Variants in CNTNAP2 observed in about 807,000 individuals in gnomAD.
The protein encoded by CNTNAP2 is contactin associated protein 2, also known as contactin-associated protein-like 2.
Under a neutral mutation model 155.2 loss-of-function variants are expected in CNTNAP2, and 98 were observed. The observed-to-expected ratio is 0.63, with a 90% CI of 0.54 to 0.75. The LOEUF is 0.75. Ranked by LOEUF, CNTNAP2 falls within the 30% of genes least tolerant of loss-of-function variation. CNTNAP2 has a pLI of 0.00. For missense variants in CNTNAP2, 1,727 were observed against 1,688.1 expected, an observed-to-expected ratio of 1.02 and a Z score of -0.40; for synonymous variants, 651 against 631.2, an observed-to-expected ratio of 1.03 and a Z score of -0.47.
intron 18 of CNTNAP2, among the ~76,000 whole-genome samples, chr7:148,212,408 GA>G (rs1431731072): frequency 7.9e-5 from 12 of 152,066 alleles, no homozygotes; most frequent in Non-Finnish European, 1.6e-4. Flanking sequence ...AAAACTTTGA[GA>G]AACATGATAT....
intron 13 of CNTNAP2, among the ~76,000 whole-genome samples, chr7:147,796,695 A>G (rs1584959499): frequency 6.6e-6 from 1 of 152,186 alleles, no homozygotes; most frequent in African/African-American, 2.4e-5. Context: ...AAAACAAGGA[A>G]GCTTCTCTAT....
At chr7:146,553,204 T>C (rs368253728) in intron 1 of CNTNAP2, among the ~76,000 whole-genome samples, 1 of 152,102 alleles carries the variant, frequency 6.6e-6, no homozygotes, top group South Asian at 2.1e-4. Flanking sequence ...ATTATGACAA[T>C]ATTTGAAATA....
At chr7:147,260,278 C>T (rs539816689) in intron 8 of CNTNAP2, among the ~76,000 whole-genome samples, 10 of 152,190 alleles carry the variant, frequency 6.6e-5, no homozygotes, top group African/African-American at 2.4e-4. Flanking sequence ...GATTCTTTAG[C>T]ATGGTTCAGG....
chr7:147,545,440 T>C (rs1799712599), intron 11 of CNTNAP2, among the ~76,000 whole-genome samples: 1 of 152,256 alleles, frequency 6.6e-6, no homozygotes. Flanking sequence ...TTGTCTGTGT[T>C]AGTTATCTAT....
intron 2 of CNTNAP2, among the ~76,000 whole-genome samples, chr7:146,823,565 A>T (rs1370617226): frequency 6.8e-6 from 1 of 147,436 alleles, no homozygotes; most frequent in Non-Finnish European, 1.5e-5. Context: ...GTATATTTAC[A>T]TGGAAATATA....
At chr7:148,413,404 ATATATATAT>A (rs1563079434) in intron 23 of CNTNAP2, among the ~76,000 whole-genome samples, 475 of 24,604 alleles carry the variant, frequency 0.019, 102 homozygotes, top group African/African-American at 0.045. Flanking sequence ...AAAAAAAAAT[ATATATATAT>A]ATATATATAT....
intron 1 of CNTNAP2, among the ~76,000 whole-genome samples, chr7:146,427,404 G>A (rs1796109181): frequency 6.6e-6 from 1 of 152,132 alleles, no homozygotes; most frequent in Non-Finnish European, 1.5e-5. Flanking sequence ...CTGTGGCTGT[G>A]TTTCAATAAA....
intron 13 of CNTNAP2, among the ~76,000 whole-genome samples, chr7:147,667,277 C>T (rs1795710893): frequency 6.6e-6 from 1 of 152,074 alleles, no homozygotes; most frequent in African/African-American, 2.4e-5. Context: ...CTTGTCAGAG[C>T]AAATCTTCAG....
chr7:148,366,079 T>C (rs1240096425), intron 21 of CNTNAP2, among the ~76,000 whole-genome samples: 1 of 17,412 alleles, frequency 5.7e-5, no homozygotes, highest in African/African-American at 1.1e-4. Context: ...CATGTATGTG[T>C]GTGCATGTAT....
At chr7:147,517,625 A>G (rs1799150784) in intron 11 of CNTNAP2, among the ~76,000 whole-genome samples, 1 of 152,248 alleles carries the variant, frequency 6.6e-6, no homozygotes. Context: ...AACAATAAAC[A>G]GGACCTAAGA....
chr7:146,877,602 G>GTGTATA (rs1795455465), intron 3 of CNTNAP2, among the ~76,000 whole-genome samples: 2 of 149,402 alleles, frequency 1.3e-5, no homozygotes, highest in Admixed American at 6.8e-5. Context: ...ATACATATGT[G>GTGTATA]TGTATACTAT....
At chr7:146,627,803 G>A (rs1799444799) in intron 1 of CNTNAP2, among the ~76,000 whole-genome samples, 1 of 152,058 alleles carries the variant, frequency 6.6e-6, no homozygotes, top group African/African-American at 2.4e-5. Context: ...TGAAAATTTA[G>A]AAAACTGTTT....
chr7:148,302,727 G>A (rs1327256635), intron 21 of CNTNAP2, among the ~76,000 whole-genome samples: 2 of 149,976 alleles, frequency 1.3e-5, no homozygotes, highest in African/African-American at 2.5e-5. Flanking sequence ...CCCCATGATT[G>A]TAAGTTTCAT....
chr7:147,483,480 C>A lies in CNTNAP2; in HGVS notation c.1671-2455C>A, dbSNP rs75096400. Among the ~76,000 whole-genome samples, 103 of 152,244 alleles carry A rather than the reference C, an allele frequency of 6.8e-4. 2 individuals carry two copies. The East Asian group carries it at 6.8e-3, about 10-fold the overall frequency. On this transcript the variant is annotated intron_variant, in intron 10 of 23. Transcript: ENST00000361727. ...GCGTGTAAGAACACAGTAATCTTTT[C>A]TATCATCGAGATGATTTTCTACTCT...
chr7:147,601,647 ATAT>A lies in CNTNAP2; in HGVS notation c.1898-37458_1898-37456del, dbSNP rs1563016571. Among the ~76,000 whole-genome samples the A allele has an allele frequency of 5.7e-3, 391 of 68,988 alleles. 9 individuals carry two copies. The highest frequency in any genetic ancestry group is 0.016 in the African/African-American group (314 of 19,200). 45.3% of individuals were successfully genotyped at this position (68,988 alleles called of 152,430 possible). A position where few individuals can be genotyped will look rare whatever the true frequency, so the allele number is the denominator to read the frequency against. The stretch of plus-strand genomic sequence containing the variant: ...AAGACATTGACTCTTAAAAAAAAAT[ATAT>A]ATATATATATATATATATATATATA... On this transcript the variant is annotated intron_variant, in intron 12 of 23. Transcript: ENST00000361727.
chr7:146,983,830 T>C (rs1378737750), intron 3 of CNTNAP2, among the ~76,000 whole-genome samples: 1 of 152,210 alleles, frequency 6.6e-6, no homozygotes, highest in Non-Finnish European at 1.5e-5. Context: ...GCAATTGACA[T>C]AGTGCAGGAA....
In CNTNAP2 at chr7:147,768,683, C is replaced by T. The variant is rs542891637; in HGVS notation, c.2098+129377C>T. Among the ~76,000 whole-genome samples the T allele has an allele frequency of 2.0e-5, 3 of 152,112 alleles. No individual in the cohort carries two copies. The South Asian group carries it at 6.2e-4, about 32-fold the overall frequency. On this transcript the variant is annotated intron_variant, in intron 13 of 23. Coordinates refer to ENST00000361727, the MANE Select transcript of CNTNAP2 (RefSeq NM_014141.6). ...TGTGCTTATTAATGGCCTCGGGTGT[C>T]ACAGAAAACAACTGAGGCTTCAGGC...
In CNTNAP2 at chr7:147,325,192, C is replaced by T. The variant is rs530765723; in HGVS notation, c.1498+24902C>T. On this transcript the variant is annotated intron_variant, in intron 9 of 23. Transcript: ENST00000361727. ...GCACACGCCTGCAATCCCAGCTACTCAGGAGGCTGAGGCAGGAGAATCACT... is the reference window on the plus strand; with the variant it reads ...GCACACGCCTGCAATCCCAGCTACTTAGGAGGCTGAGGCAGGAGAATCACT... Among the ~76,000 whole-genome samples the T allele has an allele frequency of 4.6e-5, 7 of 151,942 alleles. No homozygotes were observed. The East Asian group carries it at 5.8e-4, about 13-fold the overall frequency.
At chr7:147,691,445 A>G (rs1796086237) in intron 13 of CNTNAP2, among the ~76,000 whole-genome samples, 1 of 152,114 alleles carries the variant, frequency 6.6e-6, no homozygotes, top group Non-Finnish European at 1.5e-5. Flanking sequence ...ACAGAGAGAT[A>G]ATACATGTTA....
Sources: allele counts gnomAD v4.1 joint callset (sites outside exome capture counted in the v4.1 genomes callset), GRCh38; gene constraint gnomAD v4.1.1; transcripts MANE v1.5; gene names NCBI Gene and HGNC (gene_info 2026-07-23, HGNC 2026-07-21).